The following RXFP1 variants were observed in gnomAD, a reference collection of about 807,000 sequenced individuals.
RXFP1 encodes the protein relaxin receptor 1.
A neutral mutation model predicts 89.8 loss-of-function variants in RXFP1; 73 were observed. The observed-to-expected ratio is 0.81, with a 90% CI of 0.67 to 0.99. RXFP1 has a LOEUF of 0.99. Among genes scored for constraint, RXFP1 ranks in the 50% least tolerant of loss-of-function variants. The pLI is 0.00. For missense variants in RXFP1, 793 were observed against 895.5 expected, an observed-to-expected ratio of 0.89 and a Z score of 1.46; for synonymous variants, 277 against 305.5, an observed-to-expected ratio of 0.91 and a Z score of 0.97.
rs555194003 is a variant in RXFP1 at position 158,586,966 on chromosome 4, G to T, written c.188-6435G>T. On this transcript the variant is annotated intron_variant, in intron 2 of 17. Transcript: ENST00000307765. ...TCAGTTAAATACAGGATCTGCTAAA[G>T]AAGCCGAGTGAAAGAAAATCAGCAT... 1.1e-4 allele frequency among the ~76,000 whole-genome samples: 16 copies of T among 152,056 alleles called. No homozygotes were observed. In the South Asian group the frequency reaches 1.9e-3, roughly 18 times the overall value.
intron 4 of RXFP1, among the ~76,000 whole-genome samples, chr4:158,600,036 A>C (rs1022291903): frequency 1.3e-5 from 2 of 152,242 alleles, no homozygotes; most frequent in Non-Finnish European, 2.9e-5. Context: ...GTTAGTTTCC[A>C]GTACTAATTT....
intron 14 of RXFP1, among the ~76,000 whole-genome samples, chr4:158,644,399 T>A (rs1328713721): frequency 6.6e-6 from 1 of 152,196 alleles, no homozygotes; most frequent in Non-Finnish European, 1.5e-5. Context: ...TACTTTTTAA[T>A]GGGATGTTTT....
chr4:158,628,569 G>A (rs530217717), intron 10 of RXFP1, 69 bp from the exon 11 acceptor site: 17 of 689,156 alleles, frequency 2.5e-5, no homozygotes, highest in Non-Finnish European at 4.1e-5. Context: ...TCTGCATACC[G>A]TTCCTCTCTT....
intron 9 of RXFP1, among the ~76,000 whole-genome samples, chr4:158,626,172 A>ATAGATAGATAGT (rs1766777810): frequency 6.7e-6 from 1 of 148,560 alleles, no homozygotes; most frequent in African/African-American, 2.6e-5. Flanking sequence ...AGATAGATAG[A>ATAGATAGATAGT]TAGATGTAGA....
In RXFP1 at chr4:158,628,534, G is replaced by A. The variant is rs568724538; in HGVS notation, c.828-104G>A. 127 of 475,014 alleles carry A rather than the reference G, an allele frequency of 2.7e-4. 1 individual carries two copies. The highest frequency in any genetic ancestry group is 2.1e-3 in the Middle Eastern group (4 of 1,918). The allele number at this position is 475,014 out of a possible 1,614,324, so 29.4% of individuals were successfully genotyped here. A position where few individuals can be genotyped will look rare whatever the true frequency, so the allele number is the denominator to read the frequency against. Reference sequence around the variant, plus strand: ...TTCAAAATGTCTTTATGTGAAAAATGTACTGTATATTCATTATCTTTGTTT... The same window carrying A: ...TTCAAAATGTCTTTATGTGAAAAATATACTGTATATTCATTATCTTTGTTT... On this transcript the variant is annotated intron_variant, in intron 10 of 17. Transcript: ENST00000307765.
At chr4:158,651,230 G>A (rs1580358582) in intron 17 of RXFP1, among the ~76,000 whole-genome samples, 1 of 152,214 alleles carries the variant, frequency 6.6e-6, no homozygotes, top group South Asian at 2.1e-4. Flanking sequence ...TTTAAGATGG[G>A]TTTAGCCAAA....
rs1387441012 is a variant in RXFP1, at chr4:158,652,643, A to G, written c.*588A>G. 4.6e-5 allele frequency: 7 copies of G among 152,230 alleles called. No homozygotes were observed. The highest frequency in any genetic ancestry group is 1.9e-4 in the East Asian group (1 of 5,206). 9.4% of individuals were successfully genotyped at this position (152,230 alleles called of 1,614,324 possible). The stretch of plus-strand genomic sequence containing the variant: ...CCATACACTTGAGAGCCAACACAAC[A>G]TATTTATTACTAAAAAGATGCTTTG... On this transcript the variant is annotated 3_prime_UTR_variant, in exon 18 of 18. Coordinates refer to ENST00000307765, the MANE Select transcript of RXFP1 (RefSeq NM_021634.4).
At chr4:158,527,415 C>T (rs1304109855) in intron 1 of RXFP1, among the ~76,000 whole-genome samples, 6 of 151,116 alleles carry the variant, frequency 4.0e-5, no homozygotes, top group Non-Finnish European at 5.9e-5. Flanking sequence ...TGGTGGTGGG[C>T]GTCTGTAATC....
chr4:158,593,348 T>C, intron 2 of RXFP1, 53 bp from the exon 3 acceptor site: 2 of 1,106,942 alleles, frequency 1.8e-6, no homozygotes, highest in East Asian at 2.4e-5. Flanking sequence ...CCCCACAATA[T>C]ACCAGAATAT....
At chr4:158,589,058 GA>G (rs979299007) in intron 2 of RXFP1, among the ~76,000 whole-genome samples, 2 of 152,198 alleles carry the variant, frequency 1.3e-5, no homozygotes, top group African/African-American at 4.8e-5. Flanking sequence ...GAGGACTCAG[GA>G]AACTTACAAT....
chr4:158,612,036 A>T, intron 6 of RXFP1, 94 bp from the exon 7 acceptor site: 1 of 1,056,092 alleles, frequency 9.5e-7, no homozygotes, highest in Non-Finnish European at 1.4e-6. Context: ...AATGCTATGT[A>T]AAAAATTTAA....
chr4:158,572,897 G>C (rs1460558324), intron 2 of RXFP1, 62 bp downstream of exon 2: 1 of 1,575,094 alleles, frequency 6.3e-7, no homozygotes, highest in Admixed American at 1.8e-5. Context: ...AGGTGAAGTC[G>C]CTGAGACTTC....
chr4:158,565,935 C>A (rs1363860500), intron 1 of RXFP1, among the ~76,000 whole-genome samples: 1 of 152,164 alleles, frequency 6.6e-6, no homozygotes, highest in Non-Finnish European at 1.5e-5. Flanking sequence ...GCCAAAGATG[C>A]ATAACCTGAA....
In RXFP1 at chr4:158,652,483, A is replaced by G. The variant is rs1246578649; in HGVS notation, c.*428A>G. The G allele has an allele frequency of 6.5e-6, 1 of 153,502 alleles. No individual in the cohort carries two copies. The highest frequency in any genetic ancestry group is 1.9e-4 in the East Asian group (1 of 5,232). 9.5% of individuals were successfully genotyped at this position (153,502 alleles called of 1,614,324 possible). A position where few individuals can be genotyped will look rare whatever the true frequency, so the allele number is the denominator to read the frequency against. On this transcript the variant is annotated 3_prime_UTR_variant, in exon 18 of 18. Transcript: ENST00000307765. ...TAGAGCTTTACCTGTCATGTGCATC[A>G]GCAAGAATCATAGGCACTTTTAAAT...
chr4:158,597,628 T>C (rs950666030), intron 3 of RXFP1, among the ~76,000 whole-genome samples: 4 of 152,244 alleles, frequency 2.6e-5, no homozygotes, highest in African/African-American at 9.6e-5. Flanking sequence ...TGGATATTTA[T>C]GTGTTGTTTT....
intron 1 of RXFP1, among the ~76,000 whole-genome samples, chr4:158,527,742 A>G (rs1276827325): frequency 6.6e-6 from 1 of 151,728 alleles, no homozygotes. Context: ...ACTATTTTTA[A>G]TTTCAGTTTC....
intron 17 of RXFP1, among the ~76,000 whole-genome samples, chr4:158,650,461 G>T (rs1772471179): frequency 7.0e-6 from 1 of 143,388 alleles, no homozygotes. Context: ...AATGCAGTTT[G>T]TATTCACATT....
intron 1 of RXFP1, chr4:158,544,002 T>A: frequency 1.0e-6 from 1 of 985,444 alleles, no homozygotes; most frequent in Non-Finnish European, 1.2e-6. Context: ...TGCCCCTACC[T>A]TGGGCATTTA....
At chr4:158,587,971 C>T (rs1225567425) in intron 2 of RXFP1, among the ~76,000 whole-genome samples, 1 of 152,200 alleles carries the variant, frequency 6.6e-6, no homozygotes, top group Admixed American at 6.5e-5. Context: ...AGATATGAAA[C>T]AAGTTTACAA....
Sources: gnomAD v4.1 joint callset for allele counts (sites outside exome capture counted in the v4.1 genomes callset) on GRCh38, gnomAD v4.1.1 for gene constraint, MANE v1.5 for transcripts, NCBI Gene and HGNC (gene_info 2026-07-23, HGNC 2026-07-21) for gene names.